The following PCDHGA12 variants were observed in gnomAD, a reference collection of about 807,000 sequenced individuals.
PCDHGA12 encodes protocadherin gamma subfamily A, 12, also known as protocadherin gamma-A12.
A neutral mutation model predicts 61.1 loss-of-function variants in PCDHGA12; 43 were observed. The ratio of observed to expected loss-of-function variants is 0.70; its 90% CI spans 0.55 to 0.91. The LOEUF (loss-of-function observed/expected upper bound fraction) is 0.91. PCDHGA12 is among the 40% of genes least tolerant of loss of function. PCDHGA12 has a pLI of 0.00. For missense variants in PCDHGA12, 1,236 were observed against 1,227.7 expected, an observed-to-expected ratio of 1.01 and a Z score of -0.10; for synonymous variants, 520 against 542.9, an observed-to-expected ratio of 0.96 and a Z score of 0.59.
chr5:141,438,721 G>A (rs886300746), intron 1 of PCDHGA12, among the ~76,000 whole-genome samples: 30 of 148,304 alleles, frequency 2.0e-4, no homozygotes, highest in Non-Finnish European at 7.4e-5. Flanking sequence ...AGTGCAAGTG[G>A]TGTGATCTCA....
intron 2 of PCDHGA12, among the ~76,000 whole-genome samples, chr5:141,499,573 A>AT (rs2099792803): frequency 1.3e-5 from 2 of 152,108 alleles, no homozygotes; most frequent in Non-Finnish European, 2.9e-5. Context: ...AGCTTCAACT[A>AT]ATGCCTTATC....
chr5:141,489,962 C>A lies in PCDHGA12; in HGVS notation c.2425-4845C>A. The A allele has an allele frequency of 6.2e-7, 1 of 1,614,184 alleles. No individual in the cohort carries two copies. The highest frequency in any genetic ancestry group is 8.5e-7 in the Non-Finnish European group (1 of 1,180,008). ...CTGGACATCAATGATAATGCTCCAA[C>A]CTTCCAATCCTCAGTTCTACGTGTG... is the stretch of plus-strand genomic sequence containing the variant. On this transcript the variant is annotated intron_variant, in intron 1 of 3. Transcript: ENST00000252085. This position sits in a 1 kb window ranked among gnomAD's most constrained non-coding sequence, Gnocchi z 4.5.
chr5:141,473,598 T>C (rs959841516), intron 1 of PCDHGA12, among the ~76,000 whole-genome samples: 8 of 152,066 alleles, frequency 5.3e-5, no homozygotes, highest in African/African-American at 1.9e-4. Flanking sequence ...CCTGTAGAAA[T>C]TAGCAAAGCA....
At chr5:141,435,430 T>C (rs576681937) in intron 1 of PCDHGA12, among the ~76,000 whole-genome samples, 115 of 152,334 alleles carry the variant, frequency 7.5e-4, no homozygotes, top group African/African-American at 2.6e-3. Flanking sequence ...ACTTCTGTTA[T>C]GCATTTCATT....
chr5:141,491,353 T>A lies in PCDHGA12; in HGVS notation c.2425-3454T>A. On this transcript the variant is annotated intron_variant, in intron 1 of 3. Coordinates refer to ENST00000252085, the MANE Select transcript of PCDHGA12 (RefSeq NM_003735.3). This position sits in a 1 kb window ranked among gnomAD's most constrained non-coding sequence, Gnocchi z 6.9. ...GGCTCTAGCGACCGTCAGTCTCTTATCCCTAGTCACCTTCACCTTTCTGTC... is the reference window on the plus strand; with the variant it reads ...GGCTCTAGCGACCGTCAGTCTCTTAACCCTAGTCACCTTCACCTTTCTGTC... The A allele has an allele frequency of 6.2e-7, 1 of 1,614,160 alleles. No homozygotes were observed. Among genetic ancestry groups the A allele is most frequent in the South Asian group, 1.1e-5 (1 of 91,080 alleles).
chr5:141,468,677 T>A (rs545029270), intron 1 of PCDHGA12: 1 of 150,902 alleles, frequency 6.6e-6, no homozygotes, highest in African/African-American at 2.4e-5. Flanking sequence ...CCATCCTGGC[T>A]AACACGGTGA....
chr5:141,503,777 G>A (rs2099830497), intron 2 of PCDHGA12, among the ~76,000 whole-genome samples: 1 of 152,074 alleles, frequency 6.6e-6, no homozygotes, highest in South Asian at 2.1e-4. Context: ...TCTGTTCTTA[G>A]GCTGAGTTCA....
At chr5:141,473,169 C>T (rs141382764) in intron 1 of PCDHGA12, among the ~76,000 whole-genome samples, 2 of 152,286 alleles carry the variant, frequency 1.3e-5, no homozygotes, top group East Asian at 3.9e-4. Context: ...GGAAGGCCCA[C>T]TGGTAACTTG....
intron 1 of PCDHGA12, among the ~76,000 whole-genome samples, chr5:141,450,099 C>T (rs2098669229): frequency 6.6e-6 from 1 of 151,500 alleles, no homozygotes; most frequent in African/African-American, 2.4e-5. Flanking sequence ...CTCCGCCTCC[C>T]AGGTTCAAAT....
In PCDHGA12 at chr5:141,502,866, C is replaced by CTTTTTTTTTTTT. The variant is rs549047197; in HGVS notation, c.2484-2524_2484-2513dup. 2.4e-4 allele frequency among the ~76,000 whole-genome samples: 31 copies of CTTTTTTTTTTTT among 128,008 alleles called. 3 individuals are homozygous for CTTTTTTTTTTTT. Among genetic ancestry groups the CTTTTTTTTTTTT allele is most frequent in the African/African-American group, 3.4e-4 (11 of 32,350 alleles). 84.0% of individuals were successfully genotyped at this position (128,008 alleles called of 152,430 possible). ...GAGCTGCCTAACCCTGACTCTCTGT[C>CTTTTTTTTTTTT]TTTTTTTTTTTTTTGACAGGGAGTC... is the stretch of plus-strand genomic sequence containing the variant. On this transcript the variant is annotated intron_variant, in intron 2 of 3. Transcript: ENST00000252085.
chr5:141,511,345 T>TC lies in PCDHGA12; in HGVS notation c.*179dup, dbSNP rs535135679. The TC allele has an allele frequency of 6.6e-4, 924 of 1,410,366 alleles. 3 individuals are homozygous for TC. The African/African-American group carries it at 0.011, about 17-fold the overall frequency. 87.4% of individuals were successfully genotyped at this position (1,410,366 alleles called of 1,614,324 possible). ...AAGTGCCCAGTCAGCACCTACCCCT[T>TC]CCCCCCCAGGGGGTTGAATATGCAA... On this transcript the variant is annotated 3_prime_UTR_variant, in exon 4 of 4. Coordinates refer to ENST00000252085, the MANE Select transcript of PCDHGA12 (RefSeq NM_003735.3).
At position 141,432,646 on chromosome 5, in the gene PCDHGA12, G is replaced by A. The variant is rs780822589; in HGVS notation, c.1887G>A (p.Ala629=). 9.3e-6 allele frequency: 15 copies of A among 1,613,690 alleles called. No individual in the cohort carries two copies. The highest frequency in any genetic ancestry group is 1.3e-5 in the Non-Finnish European group (15 of 1,179,944). ...VGLHTGEVRT[A]RALLDRDALK... is the part of the protein sequence containing the mutation. ...TGCACACGGGCGAGGTGCGCACGGCGCGAGCCCTGCTGGACAGAGACGCGC... is the reference window on the plus strand; with the variant it reads ...TGCACACGGGCGAGGTGCGCACGGCACGAGCCCTGCTGGACAGAGACGCGC... The change falls in exon 1 of 4, where the codon GCG becomes GCA. Residue 629 remains alanine, a synonymous_variant. Transcript: ENST00000252085. This position sits in a 1 kb window ranked among gnomAD's most constrained non-coding sequence, Gnocchi z 6.0.
chr5:141,491,131 G>A lies in PCDHGA12; in HGVS notation c.2425-3676G>A. 1 of 1,614,182 alleles carries A rather than the reference G, an allele frequency of 6.2e-7. No individual in the cohort carries two copies. Among genetic ancestry groups the A allele is most frequent in the Non-Finnish European group, 8.5e-7 (1 of 1,180,008 alleles). ...TACACACACTGGTGAGGTGCGCACA[G>A]CCCGGGCCTTACTGGAGGATGACTC... On this transcript the variant is annotated intron_variant, in intron 1 of 3. Coordinates refer to ENST00000252085, the MANE Select transcript of PCDHGA12 (RefSeq NM_003735.3). This position sits in a 1 kb window ranked among gnomAD's most constrained non-coding sequence, Gnocchi z 6.9.
chr5:141,491,529 G>C lies in PCDHGA12; in HGVS notation c.2425-3278G>C. 1 of 1,614,040 alleles carries C rather than the reference G, an allele frequency of 6.2e-7. No individual in the cohort carries two copies. The highest frequency in any genetic ancestry group is 1.1e-5 in the South Asian group (1 of 91,080). On this transcript the variant is annotated intron_variant, in intron 1 of 3. Coordinates refer to ENST00000252085, the MANE Select transcript of PCDHGA12 (RefSeq NM_003735.3). The surrounding 1 kb of genome is among the most constrained non-coding windows in gnomAD (Gnocchi z 6.9). ...GCACGCTCAAGTACATGGAGGTGACGCTGCGGCCCACAGACTCGCAGAGCC... is the reference window on the plus strand; with the variant it reads ...GCACGCTCAAGTACATGGAGGTGACCCTGCGGCCCACAGACTCGCAGAGCC...
At chr5:141,468,597 T>C in intron 1 of PCDHGA12, 1 of 152,224 alleles carries the variant, frequency 6.6e-6, no homozygotes, top group East Asian at 1.9e-4. Context: ...CTGGGCGCGG[T>C]GGCTCACGCC....
intron 1 of PCDHGA12, among the ~76,000 whole-genome samples, chr5:141,435,308 A>G (rs2097757210): frequency 6.6e-6 from 1 of 152,186 alleles, no homozygotes; most frequent in African/African-American, 2.4e-5. Flanking sequence ...GTTTTAAATC[A>G]TTCATGAACT....
At chr5:141,510,818 A>C in intron 3 of PCDHGA12, 129 bp from the exon 4 acceptor site, 1 of 1,551,540 alleles carries the variant, frequency 6.4e-7, no homozygotes, top group Non-Finnish European at 8.7e-7. Context: ...TGACCCCTAT[A>C]TTCCCAGTGC....
intron 1 of PCDHGA12, among the ~76,000 whole-genome samples, chr5:141,438,615 TATATATATATATATATATATACACACAC>T (rs2098021754): frequency 1.1e-4 from 4 of 35,920 alleles, no homozygotes; most frequent in Non-Finnish European, 1.8e-4. Flanking sequence ...TATATATATA[TATATATATATATATATATATACACACAC>T]ACACACACAT....
At chr5:141,496,400 A>G (rs540108338) in intron 2 of PCDHGA12, among the ~76,000 whole-genome samples, 2 of 152,240 alleles carry the variant, frequency 1.3e-5, no homozygotes, top group East Asian at 3.9e-4. Flanking sequence ...TACCTCCTCA[A>G]TGGTTGAGTA....
Sources: allele counts gnomAD v4.1 joint callset (sites outside exome capture counted in the v4.1 genomes callset), GRCh38; gene constraint gnomAD v4.1.1; non-coding constraint Gnocchi (gnomAD v3.1); transcripts MANE v1.5; gene names NCBI Gene and HGNC (gene_info 2026-07-23, HGNC 2026-07-21).